The following ETNPPL variants were observed in gnomAD, a reference collection of about 807,000 sequenced individuals.
ETNPPL encodes ethanolamine-phosphate phospho-lyase, also known as alanine--glyoxylate aminotransferase 2-like 1.
ETNPPL carries 30 observed loss-of-function variants against 55.5 expected under a neutral mutation model. The ratio of observed to expected loss-of-function variants is 0.54; its 90% CI spans 0.40 to 0.73. The LOEUF (loss-of-function observed/expected upper bound fraction) is 0.73, where lower values mean the gene tolerates loss of function less well. ETNPPL is among the 30% of genes least tolerant of loss of function. The probability of loss-of-function intolerance (pLI) is 0.00; values close to 1 mark genes in which losing one functional copy is unlikely to be tolerated. For synonymous variants in ETNPPL, 202 were observed against 207.2 expected (o/e 0.98, Z 0.21); for missense variants, 528 against 607.9 (o/e 0.87, Z 1.38).
At chr4:108,744,047 G>C (rs113978201) in intron 11 of ETNPPL, among the ~76,000 whole-genome samples, 191 bp from the exon 12 acceptor site, 1 of 152,230 alleles carries the variant, frequency 6.6e-6, no homozygotes, top group Admixed American at 6.5e-5. Flanking sequence ...CGGATCACAA[G>C]GTCAGGAGTT....
chr4:108,762,436 A>C (rs556182885), intron 1 of ETNPPL: 1 of 570,856 alleles, frequency 1.8e-6, no homozygotes, highest in African/African-American at 1.8e-5. Context: ...ATCATGAAAA[A>C]ATATTTCTCA....
In ETNPPL at chr4:108,742,241, T is replaced by C. The variant is rs1728251808; in HGVS notation, c.*243A>G. ...TTGAGTTTGCAAGCTTACAATTTAA[T>C]AGAATAAATCAGGTAGCTTCAGAAA... is the stretch of plus-strand genomic sequence containing the variant. On this transcript the variant is annotated 3_prime_UTR_variant, in exon 13 of 13. Transcript: ENST00000296486. 1 of 325,746 alleles carries C rather than the reference T, an allele frequency of 3.1e-6. No homozygotes were observed. The highest frequency in any genetic ancestry group is 5.7e-6 in the Non-Finnish European group (1 of 174,864). 20.2% of individuals were successfully genotyped at this position (325,746 alleles called of 1,614,324 possible).
At position 108,742,594 on chromosome 4, in the gene ETNPPL, T is replaced by C; in HGVS notation, c.1390A>G (p.Ile464Val). 3 of 1,614,106 alleles carry C rather than the reference T, an allele frequency of 1.9e-6. No individual in the cohort carries two copies. The highest frequency in any genetic ancestry group is 1.3e-5 in the African/African-American group (1 of 75,046). ...CKTKMLKEAH[I>V]ELLRDSTTDS... ...GTGGTGCTGTCCCTAAGCAGTTCTATGTGGGCTTCTTTCAGCATCTGCAAG... is the reference window on the plus strand; with the variant it reads ...GTGGTGCTGTCCCTAAGCAGTTCTACGTGGGCTTCTTTCAGCATCTGCAAG... Residue 464 changes from isoleucine to valine, a missense_variant, in exon 13 of 13, where the codon ATA becomes GTA. Physicochemically the swap from Ile to Val is conservative, Grantham distance 29 (BLOSUM62 3). Coordinates refer to ENST00000296486, the MANE Select transcript of ETNPPL (RefSeq NM_031279.4).
At chr4:108,762,743 T>C in intron 1 of ETNPPL, 100 bp downstream of exon 1, 1 of 1,399,980 alleles carries the variant, frequency 7.1e-7, no homozygotes, top group Non-Finnish European at 1.0e-6. Flanking sequence ...GGAGTGCGGC[T>C]GCAGCGCATC....
chr4:108,745,794 G>A (rs57386337), intron 11 of ETNPPL, among the ~76,000 whole-genome samples: 2,927 of 151,448 alleles, frequency 0.019, 82 homozygotes, highest in African/African-American at 0.064. Flanking sequence ...AGCCCGGCAT[G>A]GTGGCGGGTG....
chr4:108,742,489 TC>T lies in ETNPPL; in HGVS notation c.1494del (p.Thr499HisfsTer3), dbSNP rs747325272. 5.6e-6 allele frequency: 9 copies of T among 1,614,162 alleles called. No individual in the cohort carries two copies. Among genetic ancestry groups the T allele is most frequent in the Non-Finnish European group, 7.6e-6 (9 of 1,179,990 alleles). On this transcript the variant is annotated frameshift_variant, in exon 13 of 13. Transcript: ENST00000296486. LOFTEE classifies it high-confidence loss of function. ...DTHSLLSKRL[K>X]T ...TGCTTTAAAATGCAAATCAGTCATGTCTTGAGCCTCTTACTGAGCAGTGAAT... is the reference window on the plus strand; with the variant it reads ...TGCTTTAAAATGCAAATCAGTCATGTTTGAGCCTCTTACTGAGCAGTGAAT...
At chr4:108,744,020 C>T (rs56997546) in intron 11 of ETNPPL, among the ~76,000 whole-genome samples, 164 bp from the exon 12 acceptor site, 10,138 of 152,294 alleles carry the variant, frequency 0.067, 908 homozygotes, top group East Asian at 0.48. Context: ...CCCAGCACTT[C>T]GGGAGGCCGA....
chr4:108,751,396 G>C (rs1560654482), intron 6 of ETNPPL, among the ~76,000 whole-genome samples: 2 of 152,122 alleles, frequency 1.3e-5, no homozygotes, highest in East Asian at 3.9e-4. Context: ...TTGTCGTGAT[G>C]CCTGTTTCTT....
At position 108,747,193 on chromosome 4, in the gene ETNPPL, AT is replaced by A. The variant is rs1192002478; in HGVS notation, c.1083-343del. 2.3e-3 allele frequency among the ~76,000 whole-genome samples: 22 copies of A among 9,464 alleles called. 4 individuals are homozygous for A. Among genetic ancestry groups the A allele is most frequent in the South Asian group, 0.011 (2 of 182 alleles). 6.2% of individuals were successfully genotyped at this position (9,464 alleles called of 152,430 possible). A position where few individuals can be genotyped will look rare whatever the true frequency, so the allele number is the denominator to read the frequency against. ...ATATATATATATAATATATATATAT[AT>A]TATATATATATATAATATATATATA... On this transcript the variant is annotated intron_variant, in intron 9 of 12. Transcript: ENST00000296486.
chr4:108,760,223 T>A lies in ETNPPL; in HGVS notation c.140A>T (p.Glu47Val), dbSNP rs1287648563. 6.2e-7 allele frequency: 1 copy of A among 1,611,720 alleles called. No homozygotes were observed. The highest frequency in any genetic ancestry group is 8.5e-7 in the Non-Finnish European group (1 of 1,177,878). The change falls in exon 2 of 13, where the codon GAA becomes GTA. Residue 47 changes from glutamate (E) to valine (V), a missense_variant. Transcript: ENST00000296486. ...QRQYMFDENGEQYLDCINNVA... is the reference protein window; with the variant it reads ...QRQYMFDENGVQYLDCINNVA... ...ATTGTTGATGCAGTCCAAGTACTGT[T>A]CACCGTTCTCATCAAACATGTACTG...
At position 108,748,002 on chromosome 4, in the gene ETNPPL, T is replaced by C; in HGVS notation, c.1082+3A>G. The C allele has an allele frequency of 6.2e-7, 1 of 1,605,602 alleles. No individual in the cohort carries two copies. Among genetic ancestry groups the C allele is most frequent in the Non-Finnish European group, 8.5e-7 (1 of 1,176,030 alleles). On this transcript the variant is annotated splice_donor_region_variant and intron_variant, in intron 9 of 12. Transcript: ENST00000296486. ...CTACATGACAACTTCATAATGAACA[T>C]ACCTAATATCTCCTATCAAAGTGTG...
At chr4:108,762,445 C>T (rs1729552442) in intron 1 of ETNPPL, 1 of 594,952 alleles carries the variant, frequency 1.7e-6, no homozygotes, top group East Asian at 3.8e-5. Flanking sequence ...AAATATTTCT[C>T]AGTTCACAGT....
Position 108,748,117 on chromosome 4 carries a change from G to A in ETNPPL, c.970C>T (p.Leu324=), listed in dbSNP as rs1344781034. Residue 324 remains leucine, a synonymous_variant, in exon 9 of 13, where the codon CTG becomes TTG. Coordinates refer to ENST00000296486, the MANE Select transcript of ETNPPL (RefSeq NM_031279.4). Reference sequence around the variant, plus strand: ...AGGTCTTCATTTTCAATTATATCCAGGACAGCCAAACCAACAGCACAAGAT... The same window carrying A: ...AGGTCTTCATTTTCAATTATATCCAAGACAGCCAAACCAACAGCACAAGAT... The part of the protein sequence containing the change: ...PVSCAVGLAV[L]DIIENEDLQG... 6.2e-7 allele frequency: 1 copy of A among 1,608,178 alleles called. No homozygotes were observed. The highest frequency in any genetic ancestry group is 2.2e-5 in the East Asian group (1 of 44,552).
At chr4:108,755,544 C>T (rs973114416) in intron 4 of ETNPPL, among the ~76,000 whole-genome samples, 6 of 152,070 alleles carry the variant, frequency 3.9e-5, no homozygotes, top group African/African-American at 7.2e-5. Flanking sequence ...AGGCTAGCCT[C>T]GGTGGCTCAC....
In ETNPPL at chr4:108,742,416, C is replaced by A; in HGVS notation, c.*68G>T. The stretch of plus-strand genomic sequence containing the variant: ...TTTAGAGGTATAATAGAGCTATTAA[C>A]CGATGAGACACATCTACTCATTCTC... On this transcript the variant is annotated 3_prime_UTR_variant, in exon 13 of 13. Coordinates refer to ENST00000296486, the MANE Select transcript of ETNPPL (RefSeq NM_031279.4). The A allele has an allele frequency of 6.5e-7, 1 of 1,529,600 alleles. No individual in the cohort carries two copies. The highest frequency in any genetic ancestry group is 9.0e-7 in the Non-Finnish European group (1 of 1,109,040). 94.8% of individuals were successfully genotyped at this position (1,529,600 alleles called of 1,614,324 possible).
At chr4:108,746,273 A>G (rs1051882815) in intron 11 of ETNPPL, 126 bp downstream of exon 11, 8 of 778,730 alleles carry the variant, frequency 1.0e-5, no homozygotes, top group African/African-American at 1.8e-5. Context: ...TTACACATTT[A>G]TTTCTGCCCT....
chr4:108,751,377 C>G (rs892450019), intron 6 of ETNPPL, among the ~76,000 whole-genome samples: 5 of 152,082 alleles, frequency 3.3e-5, no homozygotes, highest in African/African-American at 1.2e-4. Flanking sequence ...TTACCTAGGT[C>G]CAAAGGCATT....
chr4:108,748,240 T>G (rs1728719951), intron 8 of ETNPPL, 81 bp from the exon 9 acceptor site: 1 of 950,930 alleles, frequency 1.1e-6, no homozygotes, highest in African/African-American at 1.7e-5. Context: ...ATTTGGCTCA[T>G]ACATACATAA....
chr4:108,761,721 T>C (rs575794803), intron 1 of ETNPPL, among the ~76,000 whole-genome samples: 16 of 152,256 alleles, frequency 1.1e-4, no homozygotes, highest in East Asian at 7.7e-4. Context: ...TTAGAAAAAG[T>C]AGGGTAGTGA....
Sources: gnomAD v4.1 joint callset for allele counts (sites outside exome capture counted in the v4.1 genomes callset) on GRCh38, gnomAD v4.1.1 for gene constraint, MANE v1.5 for transcripts, NCBI Gene and HGNC (gene_info 2026-07-23, HGNC 2026-07-21) for gene names.